PAK5: variants seen among roughly 807,000 people sequenced by gnomAD.
PAK5 encodes the protein p21 (RAC1) activated kinase 5, also known as serine/threonine-protein kinase PAK 5.
PAK5 carries 16 observed loss-of-function variants against 65.9 expected under a neutral mutation model. The ratio of observed to expected loss-of-function variants is 0.24; its 90% CI spans 0.16 to 0.37. The LOEUF is 0.37. Among genes scored for constraint, PAK5 ranks in the 10% least tolerant of loss-of-function variants. The pLI, the probability that PAK5 is intolerant of heterozygous loss-of-function variation, is 1.00. For missense variants in PAK5, 785 were observed against 903.9 expected (o/e 0.87, Z 1.69); for synonymous variants, 371 against 354.9 (o/e 1.05, Z -0.51).
At position 9,580,778 on chromosome 20, in the gene PAK5, G is replaced by C; in HGVS notation, c.357C>G (p.His119Gln). The C allele has an allele frequency of 6.2e-7, 1 of 1,613,938 alleles. No homozygotes were observed. Among genetic ancestry groups the C allele is most frequent in the Admixed American group, 1.7e-5 (1 of 59,998 alleles). ...AGGTGATGAAGCCATTTTCTTCCGC[G>C]TGGCCTGGACCGTGGCTGGAGGCTC... ...DQGASSHGPG[H>Q]AEENGFITFS... is the part of the protein sequence containing the mutation. Residue 119 changes from histidine to glutamine, a missense_variant, in exon 4 of 10, where the codon CAC (histidine) becomes CAG (glutamine). Coordinates refer to ENST00000353224, the MANE Select transcript of PAK5 (RefSeq NM_177990.4).
At position 9,669,819 on chromosome 20, in the gene PAK5, C is replaced by T. The variant is rs1436466624; in HGVS notation, c.-11-25480G>A. ...TAAGTTTTAGGGTACATGTGCACAACGTGCAGGTTTGTTACATACGTATAC... is the reference window on the plus strand; with the variant it reads ...TAAGTTTTAGGGTACATGTGCACAATGTGCAGGTTTGTTACATACGTATAC... On this transcript the variant is annotated intron_variant, in intron 2 of 9. Transcript: ENST00000353224. 2.6e-5 allele frequency among the ~76,000 whole-genome samples: 4 copies of T among 151,908 alleles called. No individual in the cohort carries two copies. The East Asian group carries it at 5.8e-4, about 22-fold the overall frequency.
At chr20:9,543,127 G>T (rs2045293306) in intron 8 of PAK5, among the ~76,000 whole-genome samples, 1 of 152,104 alleles carries the variant, frequency 6.6e-6, no homozygotes, top group South Asian at 2.1e-4. Flanking sequence ...AAACTGCAAA[G>T]GGCTACCTTG....
At position 9,791,476 on chromosome 20, in the gene PAK5, C is replaced by T. The variant is rs77545226; in HGVS notation, c.-162+47286G>A. ...CCGTGTGCCACATCCACCCCTCACC[C>T]GACAATGTCTTTACTGCTTGACCTA... On this transcript the variant is annotated intron_variant, in intron 1 of 9. Transcript: ENST00000353224. 4.6e-3 allele frequency among the ~76,000 whole-genome samples: 705 copies of T among 152,112 alleles called. 3 individuals carry two copies. The highest frequency in any genetic ancestry group is 0.031 in the South Asian group (147 of 4,816).
intron 1 of PAK5, among the ~76,000 whole-genome samples, chr20:9,775,496 CT>C (rs2048878238): frequency 6.6e-6 from 1 of 152,156 alleles, no homozygotes; most frequent in African/African-American, 2.4e-5. Flanking sequence ...ACAGATGAGC[CT>C]TGTGACTTTC....
chr20:9,803,643 T>C (rs2049198410), intron 1 of PAK5, among the ~76,000 whole-genome samples: 1 of 152,166 alleles, frequency 6.6e-6, no homozygotes, highest in Non-Finnish European at 1.5e-5. Context: ...AAACCAATTT[T>C]TAGGCAAACA....
At chr20:9,763,699 C>T (rs1466660341) in intron 1 of PAK5, among the ~76,000 whole-genome samples, 1 of 152,016 alleles carries the variant, frequency 6.6e-6, no homozygotes, top group Non-Finnish European at 1.5e-5. Context: ...ACAGTATTTT[C>T]CCGTTTTTTT....
chr20:9,552,193 A>G (rs1251921236), intron 7 of PAK5, among the ~76,000 whole-genome samples: 2 of 152,270 alleles, frequency 1.3e-5, no homozygotes, highest in Non-Finnish European at 2.9e-5. Flanking sequence ...AAAGAAAAAG[A>G]GATCACAAAG....
chr20:9,729,985 C>A, intron 1 of PAK5, among the ~76,000 whole-genome samples: 2 of 112,798 alleles, frequency 1.8e-5, no homozygotes, highest in Admixed American at 1.1e-4. Context: ...GCACTCAAGC[C>A]TGGGCAACAG....
chr20:9,729,612 C>A (rs1321562712), intron 1 of PAK5, among the ~76,000 whole-genome samples: 1 of 151,984 alleles, frequency 6.6e-6, no homozygotes, highest in Admixed American at 6.6e-5. Flanking sequence ...CTGAATGAGC[C>A]CTATTTGATC....
chr20:9,604,838 G>A (rs1385311878), intron 3 of PAK5, among the ~76,000 whole-genome samples: 1 of 152,172 alleles, frequency 6.6e-6, no homozygotes, highest in Non-Finnish European at 1.5e-5. Flanking sequence ...TCTATGGCAG[G>A]GAGGAAAAGC....
chr20:9,580,032 TC>T, intron 4 of PAK5, 112 bp downstream of exon 4: 6 of 917,918 alleles, frequency 6.5e-6, no homozygotes, highest in Non-Finnish European at 9.8e-6. Context: ...ATATTGATTT[TC>T]CCTTAAAAGG....
intron 2 of PAK5, among the ~76,000 whole-genome samples, chr20:9,661,917 T>C (rs1489993999): frequency 6.6e-6 from 1 of 152,128 alleles, no homozygotes; most frequent in Non-Finnish European, 1.5e-5. Flanking sequence ...TTAGGATATG[T>C]CTCCTTAGCA....
chr20:9,547,309 T>C (rs1421908664), intron 7 of PAK5, among the ~76,000 whole-genome samples: 2 of 152,196 alleles, frequency 1.3e-5, no homozygotes, highest in East Asian at 3.8e-4. Context: ...ATACATTTCA[T>C]GCAGAGAGAA....
intron 1 of PAK5, among the ~76,000 whole-genome samples, chr20:9,806,598 T>C (rs185784778): frequency 2.6e-5 from 4 of 152,292 alleles, no homozygotes; most frequent in African/African-American, 9.6e-5. Flanking sequence ...TGCAAAGAGA[T>C]AGCTCTTTGC....
chr20:9,739,559 C>T (rs1164698163), intron 1 of PAK5, among the ~76,000 whole-genome samples: 1 of 152,078 alleles, frequency 6.6e-6, no homozygotes, highest in Non-Finnish European at 1.5e-5. Context: ...TTAATTTATG[C>T]TATACTTTCT....
intron 2 of PAK5, among the ~76,000 whole-genome samples, chr20:9,686,143 G>A (rs1281316472): frequency 6.6e-6 from 1 of 152,134 alleles, no homozygotes; most frequent in African/African-American, 2.4e-5. Context: ...CTCTCAGCAG[G>A]AGCCAAGTCA....
chr20:9,600,409 T>C (rs2046339648), intron 3 of PAK5, among the ~76,000 whole-genome samples: 1 of 152,324 alleles, frequency 6.6e-6, no homozygotes, highest in East Asian at 1.9e-4. Context: ...TAGATAGGGA[T>C]TGGATTGAAC....
Position 9,680,795 on chromosome 20 carries a change from G to A in PAK5, c.-12+30491C>T, listed in dbSNP as rs189901102. Among the ~76,000 whole-genome samples the A allele has an allele frequency of 2.0e-3, 297 of 152,300 alleles. 1 individual carries two copies. The highest frequency in any genetic ancestry group is 6.5e-3 in the African/African-American group (271 of 41,576). On this transcript the variant is annotated intron_variant, in intron 2 of 9. Coordinates refer to ENST00000353224, the MANE Select transcript of PAK5 (RefSeq NM_177990.4). Reference sequence around the variant, plus strand: ...GTGCTGCCAAAGAAGGTTTTCCCAAGGACAGGCTGTCTGAGAGGTGTCTTC... The same window carrying A: ...GTGCTGCCAAAGAAGGTTTTCCCAAAGACAGGCTGTCTGAGAGGTGTCTTC...
intron 1 of PAK5, among the ~76,000 whole-genome samples, chr20:9,833,806 C>T (rs760169612): frequency 1.8e-4 from 27 of 152,138 alleles, no homozygotes; most frequent in Non-Finnish European, 3.4e-4. Flanking sequence ...GTTTGCTCCT[C>T]AGTTTATTGG....
Sources: allele counts gnomAD v4.1 joint callset (sites outside exome capture counted in the v4.1 genomes callset), GRCh38; gene constraint gnomAD v4.1.1; transcripts MANE v1.5; gene names NCBI Gene and HGNC (gene_info 2026-07-23, HGNC 2026-07-21).